The following TRPA1 variants were observed in gnomAD, a reference collection of about 807,000 sequenced individuals.
The protein encoded by TRPA1 is transient receptor potential cation channel subfamily A member 1.
Under a neutral mutation model 131.3 loss-of-function variants are expected in TRPA1, and 129 were observed. The ratio of observed to expected loss-of-function variants is 0.98; its 90% CI spans 0.85 to 1.14. The LOEUF is 1.14. Ranked by LOEUF, TRPA1 falls within the 50% of genes most tolerant of loss-of-function variation. The probability of loss-of-function intolerance (pLI) is 0.00; values close to 1 mark genes in which losing one functional copy is unlikely to be tolerated. For synonymous variants in TRPA1, 441 were observed against 451.7 expected (o/e 0.98, Z 0.30); for missense variants, 1,304 against 1,354.2 (o/e 0.96, Z 0.58).
Position 72,023,088 on chromosome 8 carries a change from T to C in TRPA1, c.3178A>G (p.Lys1060Glu). Reference sequence around the variant, plus strand: ...ATCAGTTTAATGAGCTCATGCTGTTTTTCCAGGAGAAAAGTAAGATCCTTC... The same window carrying C: ...ATCAGTTTAATGAGCTCATGCTGTTCTTCCAGGAGAAAAGTAAGATCCTTC... The part of the protein sequence containing the change: ...RLKDLTFLLE[K>E]QHELIKLIIQ... Residue 1060 changes from lysine to glutamate, a missense_variant, in exon 27 of 27, where the codon AAA becomes GAA. Lys to Glu is a moderately conservative substitution (Grantham distance 56). Coordinates refer to ENST00000262209, the MANE Select transcript of TRPA1 (RefSeq NM_007332.3). 6.2e-7 allele frequency: 1 copy of C among 1,613,508 alleles called. No homozygotes were observed. The highest frequency in any genetic ancestry group is 2.2e-5 in the East Asian group (1 of 44,872).
intron 12 of TRPA1, chr8:72,054,239 A>C (rs1317874744): frequency 7.6e-6 from 2 of 263,658 alleles, no homozygotes; most frequent in Non-Finnish European, 1.5e-5. Context: ...CTTTCAATGA[A>C]CACTGTATCA....
chr8:72,068,956 G>C lies in TRPA1; in HGVS notation c.444+67C>G, dbSNP rs1318243898. ...GTGCTCATCCTGGTGCAAGCAGAGAGAGCTGGATCTGGGTCCCAGCACCTG... is the reference window on the plus strand; with the variant it reads ...GTGCTCATCCTGGTGCAAGCAGAGACAGCTGGATCTGGGTCCCAGCACCTG... On this transcript the variant is annotated intron_variant, in intron 3 of 26. Transcript: ENST00000262209. The C allele has an allele frequency of 1.9e-6, 3 of 1,553,118 alleles. No homozygotes were observed. In the African/African-American group the frequency reaches 4.1e-5, roughly 21 times the overall value.
intron 17 of TRPA1, among the ~76,000 whole-genome samples, chr8:72,043,456 C>T (rs1157440706): frequency 6.6e-6 from 1 of 151,496 alleles, no homozygotes; most frequent in Non-Finnish European, 1.5e-5. Flanking sequence ...TTATTAAGAC[C>T]TTCCCTTATT....
intron 17 of TRPA1, among the ~76,000 whole-genome samples, chr8:72,044,819 T>G (rs560392189): frequency 7.9e-5 from 12 of 152,110 alleles, no homozygotes; most frequent in Non-Finnish European, 1.8e-4. Flanking sequence ...CATAAGCTAT[T>G]AAGGCATTGC....
At chr8:72,027,821 A>ATG (rs1204378182) in intron 24 of TRPA1, among the ~76,000 whole-genome samples, 1 of 152,144 alleles carries the variant, frequency 6.6e-6, no homozygotes, top group Non-Finnish European at 1.5e-5. Flanking sequence ...TTTCCAGGCG[A>ATG]TGCTGTTTTT....
At chr8:72,089,214 G>A in the TRPA1 span, among the ~76,000 whole-genome samples, 65 of 152,096 alleles carry the variant, frequency 4.3e-4, no homozygotes, top group African/African-American at 1.3e-3. Flanking sequence ...AAATGTTTCC[G>A]TGATATCTGC....
In TRPA1 at chr8:72,063,553, G is replaced by C. The variant is rs752321205; in HGVS notation, c.571C>G (p.Pro191Ala). The C allele has an allele frequency of 6.2e-7, 1 of 1,613,026 alleles. No individual in the cohort carries two copies. Reference sequence around the variant, plus strand: ...CATCCCCATTTATTTGATTTACATGGCTTAGCTCCTTTTTTAAGCTGGAAG... The same window carrying C: ...CATCCCCATTTATTTGATTTACATGCCTTAGCTCCTTTTTTAAGCTGGAAG... The part of the protein sequence containing the change: ...LQILLKKGAK[P>A]CKSNKWGCFP... The change falls in exon 5 of 27, where the codon CCA becomes GCA. Residue 191 changes from proline (P) to alanine (A), a missense_variant. Coordinates refer to ENST00000262209, the MANE Select transcript of TRPA1 (RefSeq NM_007332.3).
intron 21 of TRPA1, among the ~76,000 whole-genome samples, chr8:72,034,667 T>C (rs565471572): frequency 4.3e-4 from 65 of 152,304 alleles, no homozygotes; most frequent in African/African-American, 1.5e-3. Flanking sequence ...CAATCATTGC[T>C]CACTGCAGCC....
intron 24 of TRPA1, among the ~76,000 whole-genome samples, 199 bp from the exon 25 acceptor site, chr8:72,026,272 AG>A (rs1416486975): frequency 6.6e-6 from 1 of 152,240 alleles, no homozygotes; most frequent in East Asian, 1.9e-4. Context: ...ACCCACTGAC[AG>A]GGCAGCAATC....
chr8:72,028,521 T>A (rs1778049107), intron 24 of TRPA1, among the ~76,000 whole-genome samples: 1 of 152,018 alleles, frequency 6.6e-6, no homozygotes, highest in Non-Finnish European at 1.5e-5. Flanking sequence ...CCATGTTGCA[T>A]TCTCTTAATT....
At chr8:72,072,895 G>A (rs1806097160) in intron 1 of TRPA1, among the ~76,000 whole-genome samples, 1 of 152,092 alleles carries the variant, frequency 6.6e-6, no homozygotes, top group Admixed American at 6.5e-5. Flanking sequence ...TAACAAAACA[G>A]CATCTAAATA....
At chr8:72,045,255 A>G (rs1812388611) in intron 17 of TRPA1, among the ~76,000 whole-genome samples, 1 of 151,946 alleles carries the variant, frequency 6.6e-6, no homozygotes, top group Admixed American at 6.6e-5. Flanking sequence ...CCAAGTGCTC[A>G]GTAAGCCTTG....
rs772777495 is a variant in TRPA1, at chr8:72,057,803, T to G, written c.1007A>C (p.Asn336Thr). Residue 336 changes from asparagine (N) to threonine (T), a missense_variant, in exon 9 of 27, where the codon AAT (asparagine) becomes ACT (threonine). Physicochemically the swap from Asn to Thr is moderately conservative, Grantham distance 65. Transcript: ENST00000262209. ...AGAGCGTCCTTCAGAATCGATCTTATTAATATCTGCTCCCTAAAAATCAAA... is the reference window on the plus strand; with the variant it reads ...AGAGCGTCCTTCAGAATCGATCTTAGTAATATCTGCTCCCTAAAAATCAAA... ...DYLISVGADI[N>T]KIDSEGRSPL... 6.2e-7 allele frequency: 1 copy of G among 1,613,144 alleles called. No homozygotes were observed. The highest frequency in any genetic ancestry group is 8.5e-7 in the Non-Finnish European group (1 of 1,179,222).
intron 1 of TRPA1, among the ~76,000 whole-genome samples, chr8:72,072,243 G>A (rs1226656954): frequency 6.6e-6 from 1 of 152,054 alleles, no homozygotes; most frequent in Non-Finnish European, 1.5e-5. Flanking sequence ...CCAAACTCCA[G>A]TTTGTCATTT....
At chr8:72,027,808 G>A (rs1231807958) in intron 24 of TRPA1, among the ~76,000 whole-genome samples, 5 of 152,092 alleles carry the variant, frequency 3.3e-5, no homozygotes, top group South Asian at 2.1e-4. Context: ...ATGGCTTCCC[G>A]GTTTTCCAGG....
At chr8:72,047,348 T>C (rs1805360933) in intron 15 of TRPA1, 141 bp from the exon 16 acceptor site, 1 of 683,878 alleles carries the variant, frequency 1.5e-6, no homozygotes, top group Non-Finnish European at 2.6e-6. Flanking sequence ...AATTATAATC[T>C]ATGTCATTCA....
chr8:72,034,181 T>C, intron 22 of TRPA1, 67 bp downstream of exon 22: 1 of 1,440,294 alleles, frequency 6.9e-7, no homozygotes, highest in South Asian at 1.3e-5. Flanking sequence ...ACTATTTAGA[T>C]TTAAATATAA....
At chr8:72,089,845 T>C in the TRPA1 span, among the ~76,000 whole-genome samples, 1 of 152,146 alleles carries the variant, frequency 6.6e-6, no homozygotes, top group Non-Finnish European at 1.5e-5. Context: ...ATAATAATTA[T>C]ACTTATTTTA....
intron 3 of TRPA1, among the ~76,000 whole-genome samples, chr8:72,068,552 GTC>G (rs1440633844): frequency 1.3e-5 from 2 of 152,178 alleles, no homozygotes; most frequent in Admixed American, 1.3e-4. Flanking sequence ...TTTTCACTGA[GTC>G]TCTCATTACC....
Sources: gnomAD v4.1 joint callset for allele counts (sites outside exome capture counted in the v4.1 genomes callset) on GRCh38, gnomAD v4.1.1 for gene constraint, MANE v1.5 for transcripts, NCBI Gene and HGNC (gene_info 2026-07-23, HGNC 2026-07-21) for gene names.